The following TNFRSF10B variants were observed in gnomAD, a reference collection of about 807,000 sequenced individuals.
TNFRSF10B encodes tumor necrosis factor receptor superfamily member 10B.
Under a neutral mutation model 41.4 loss-of-function variants are expected in TNFRSF10B, and 35 were observed. That is an observed-to-expected ratio of 0.85 (90% CI 0.65 to 1.12). The LOEUF is 1.12. Ranked by LOEUF, TNFRSF10B falls within the 50% of genes most tolerant of loss-of-function variation. TNFRSF10B has a pLI of 0.00. For synonymous variants in TNFRSF10B, 230 were observed against 215.5 expected, an observed-to-expected ratio of 1.07 and a Z score of -0.59; for missense variants, 584 against 552.7, an observed-to-expected ratio of 1.06 and a Z score of -0.57.
chr8:23,045,858 G>T (rs906538561), intron 1 of TNFRSF10B, among the ~76,000 whole-genome samples: 2 of 152,176 alleles, frequency 1.3e-5, no homozygotes, highest in Non-Finnish European at 2.9e-5. Flanking sequence ...CTCATTAGAT[G>T]TAGAAAAAGC....
chr8:23,024,089 G>T, intron 8 of TNFRSF10B, 99 bp downstream of exon 8: 1 of 1,469,294 alleles, frequency 6.8e-7, no homozygotes. Context: ...TTCCAGCATG[G>T]AATACTCTGG....
intron 2 of TNFRSF10B, among the ~76,000 whole-genome samples, chr8:23,039,181 C>T (rs1469733076): frequency 6.6e-6 from 1 of 151,984 alleles, no homozygotes; most frequent in Non-Finnish European, 1.5e-5. Context: ...AATGCTGCCG[C>T]TGATTTGACG....
intron 1 of TNFRSF10B, among the ~76,000 whole-genome samples, chr8:23,046,236 G>A (rs1438086573): frequency 6.6e-6 from 1 of 152,146 alleles, no homozygotes; most frequent in Non-Finnish European, 1.5e-5. Context: ...AACAAATTCA[G>A]TAAGGTTGTG....
chr8:23,055,878 T>C (rs147965801), intron 1 of TNFRSF10B, among the ~76,000 whole-genome samples: 1,678 of 152,356 alleles, frequency 0.011, 23 homozygotes, highest in Non-Finnish European at 0.013. Flanking sequence ...TAATCACTTA[T>C]GTCTTTAGAT....
At chr8:23,066,826 G>A (rs528141470) in intron 1 of TNFRSF10B, among the ~76,000 whole-genome samples, 1 of 151,900 alleles carries the variant, frequency 6.6e-6, no homozygotes, top group East Asian at 2.0e-4. Context: ...GAACCCAGGA[G>A]GCAGAGGTTG....
intron 2 of TNFRSF10B, among the ~76,000 whole-genome samples, chr8:23,036,346 G>A (rs1316163697): frequency 6.6e-6 from 1 of 152,190 alleles, no homozygotes; most frequent in Non-Finnish European, 1.5e-5. Flanking sequence ...ATGAAGAAGT[G>A]GCCCAAGTGC....
At position 23,024,193 on chromosome 8, in the gene TNFRSF10B, G is replaced by A. The variant is rs781294720; in HGVS notation, c.1004C>T (p.Thr335Ile). 1.7e-5 allele frequency: 27 copies of A among 1,614,078 alleles called. No individual in the cohort carries two copies. The highest frequency in any genetic ancestry group is 2.1e-5 in the Non-Finnish European group (25 of 1,179,996). ...TCCAGGAGCAAAACACTTACTCTCA[G>A]TGGGATCACCTTCATTTGCTGGAAC... ...LLVPANEGDP[T>I]ETLRQCFDDF... The change falls in exon 8 of 9, where the codon ACT becomes ATT. Residue 335 changes from threonine (T) to isoleucine (I), a missense_variant. Transcript: ENST00000276431.
At position 23,021,555 on chromosome 8, in the gene TNFRSF10B, G is replaced by A; in HGVS notation, c.*1116C>T. On this transcript the variant is annotated 3_prime_UTR_variant, in exon 9 of 9. Transcript: ENST00000276431. ...TATGACATAGACCCTATTGTTATGT[G>A]TGATCTAACCCATCTGCCTCTGTCC... The A allele has an allele frequency of 4.4e-6, 2 of 454,122 alleles. No individual in the cohort carries two copies. The highest frequency in any genetic ancestry group is 8.8e-6 in the Non-Finnish European group (2 of 226,802). The allele number at this position is 454,122 out of a possible 1,614,324, so 28.1% of individuals were successfully genotyped here.
intron 1 of TNFRSF10B, among the ~76,000 whole-genome samples, chr8:23,044,329 T>C (rs1048675606): frequency 2.6e-5 from 4 of 152,162 alleles, no homozygotes; most frequent in African/African-American, 9.7e-5. Flanking sequence ...AATTGCACTA[T>C]GTAAAAATTA....
At chr8:23,042,261 G>T (rs1352350928) in intron 2 of TNFRSF10B, among the ~76,000 whole-genome samples, 1 of 152,230 alleles carries the variant, frequency 6.6e-6, no homozygotes, top group Non-Finnish European at 1.5e-5. Flanking sequence ...TGCAATGTGA[G>T]GGTTTGCCCT....
chr8:23,024,123 C>A, intron 8 of TNFRSF10B, 65 bp downstream of exon 8: 2 of 1,603,486 alleles, frequency 1.2e-6, no homozygotes, highest in Non-Finnish European at 1.7e-6. Flanking sequence ...CCTCTGGGGA[C>A]AGCAGTTAGG....
intron 2 of TNFRSF10B, among the ~76,000 whole-genome samples, chr8:23,036,771 A>G (rs1205849987): frequency 6.6e-6 from 1 of 152,202 alleles, no homozygotes; most frequent in African/African-American, 2.4e-5. Context: ...TGAACCCGGG[A>G]GGCAGAGGTT....
chr8:23,022,728 C>T lies in TNFRSF10B; in HGVS notation c.1266G>A (p.Leu422=), dbSNP rs1170593969. 11 of 1,614,030 alleles carry T rather than the reference C, an allele frequency of 6.8e-6. No individual in the cohort carries two copies. The highest frequency in any genetic ancestry group is 9.3e-6 in the Non-Finnish European group (11 of 1,180,014). The part of the protein sequence containing the change: ...RLAKQKIEDH[L]LSSGKFMYLE... ...GATACATGAACTTTCCAGAGCTCAA[C>T]AAGTGGTCCTCAATCTTCTGCTTGG... The change falls in exon 9 of 9, where the codon TTG becomes TTA. Residue 422 remains leucine (L), a synonymous_variant. Transcript: ENST00000276431.
intron 7 of TNFRSF10B, among the ~76,000 whole-genome samples, chr8:23,026,329 T>C (rs1403962418): frequency 6.6e-6 from 1 of 151,960 alleles, no homozygotes; most frequent in Non-Finnish European, 1.5e-5. Flanking sequence ...AAAGTAAACA[T>C]TTGACATGTA....
At chr8:23,024,400 G>T in intron 7 of TNFRSF10B, 140 bp from the exon 8 acceptor site, 1 of 870,234 alleles carries the variant, frequency 1.1e-6, no homozygotes, top group South Asian at 1.4e-5. Flanking sequence ...AACAAGACAG[G>T]AGACAAAGGG....
chr8:23,036,035 C>T (rs1812021659), intron 2 of TNFRSF10B, among the ~76,000 whole-genome samples: 1 of 152,094 alleles, frequency 6.6e-6, no homozygotes. Flanking sequence ...CACTCTAGGT[C>T]AACCACAGCA....
intron 2 of TNFRSF10B, among the ~76,000 whole-genome samples, chr8:23,037,766 G>C (rs1812065544): frequency 6.6e-6 from 1 of 152,190 alleles, no homozygotes; most frequent in African/African-American, 2.4e-5. Flanking sequence ...GCTGCAACAA[G>C]GTTCTCCAGG....
intron 1 of TNFRSF10B, among the ~76,000 whole-genome samples, chr8:23,054,159 T>C (rs1280915058): frequency 1.3e-5 from 2 of 152,218 alleles, no homozygotes; most frequent in African/African-American, 4.8e-5. Flanking sequence ...CTGATAACTT[T>C]GGAGATTGTG....
At chr8:23,060,187 T>C (rs1812792215) in intron 1 of TNFRSF10B, among the ~76,000 whole-genome samples, 1 of 152,232 alleles carries the variant, frequency 6.6e-6, no homozygotes, top group Non-Finnish European at 1.5e-5. Context: ...CCTATGTCCA[T>C]GGTGTCACAT....
Sources: gnomAD v4.1 joint callset for allele counts (sites outside exome capture counted in the v4.1 genomes callset) on GRCh38, gnomAD v4.1.1 for gene constraint, MANE v1.5 for transcripts, NCBI Gene and HGNC (gene_info 2026-07-23, HGNC 2026-07-21) for gene names.